Variants in MSN observed in about 807,000 individuals in gnomAD.
The protein encoded by MSN is epididymis luminal protein 70.
MSN carries 2 observed loss-of-function variants against 48.0 expected under a neutral mutation model. The observed-to-expected ratio is 0.04, with a 90% CI of 0.02 to 0.13. The LOEUF is 0.13. MSN is among the 10% of genes least tolerant of loss of function. MSN has a pLI of 1.00. For synonymous variants in MSN, 146 were observed against 166.9 expected, an observed-to-expected ratio of 0.87 and a Z score of 0.97; for missense variants, 267 against 470.1, an observed-to-expected ratio of 0.57 and a Z score of 3.99.
chrX:65,636,398 G>A (rs185303248), intron 1 of MSN, among the ~76,000 whole-genome samples: 3 of 110,995 alleles, frequency 2.7e-5, no homozygotes, highest in South Asian at 3.8e-4. Context: ...TCTTTGTCTC[G>A]TCCTCTCTCA....
chrX:65,692,258 G>A (rs1171825658), intron 1 of MSN, among the ~76,000 whole-genome samples: 1 of 112,482 alleles, frequency 8.9e-6, no homozygotes, highest in Non-Finnish European at 1.9e-5. Flanking sequence ...GTACTTTATG[G>A]CTCAGCCCCT....
chrX:65,615,779 C>T (rs889504967), intron 1 of MSN, among the ~76,000 whole-genome samples: 1 of 111,161 alleles, frequency 9.0e-6, no homozygotes, highest in African/African-American at 3.3e-5. Flanking sequence ...AAGTCCATGC[C>T]CATGCCTATG....
chrX:65,713,595 A>T (rs2071434352), intron 1 of MSN, among the ~76,000 whole-genome samples: 1 of 112,215 alleles, frequency 8.9e-6, no homozygotes, highest in South Asian at 3.7e-4. Context: ...GCTACATGCT[A>T]GGCTTGGAAT....
intron 1 of MSN, among the ~76,000 whole-genome samples, chrX:65,614,201 G>T (rs183553968): frequency 9.0e-6 from 1 of 111,266 alleles, no homozygotes; most frequent in Non-Finnish European, 1.9e-5. Context: ...TTTTATTTCT[G>T]AGACCTCTGT....
intron 1 of MSN, among the ~76,000 whole-genome samples, chrX:65,654,864 C>T (rs921451770): frequency 9.0e-6 from 1 of 111,210 alleles, no homozygotes; most frequent in African/African-American, 3.3e-5. Flanking sequence ...TTTTTCAGAG[C>T]GTTGTAGGTG....
intron 2 of MSN, among the ~76,000 whole-genome samples, chrX:65,718,380 C>T (rs1337182766): frequency 9.0e-6 from 1 of 110,712 alleles, no homozygotes; most frequent in Non-Finnish European, 1.9e-5. Flanking sequence ...TAAGGATGTC[C>T]AATCCAAAAA....
chrX:65,653,318 C>T (rs1245572998), intron 1 of MSN, among the ~76,000 whole-genome samples: 1 of 111,371 alleles, frequency 9.0e-6, no homozygotes, highest in African/African-American at 3.3e-5. Context: ...GACATAGCCA[C>T]ATATGGGCTC....
chrX:65,656,520 C>A (rs2070782396), intron 1 of MSN, among the ~76,000 whole-genome samples: 1 of 111,426 alleles, frequency 9.0e-6, no homozygotes, highest in South Asian at 3.7e-4. Flanking sequence ...GTCATGAGCT[C>A]CAAGGTTATG....
At chrX:65,708,859 T>C (rs1249985208) in intron 1 of MSN, among the ~76,000 whole-genome samples, 1 of 110,399 alleles carries the variant, frequency 9.1e-6, no homozygotes, top group Non-Finnish European at 1.9e-5. Flanking sequence ...ATTTTTGTAG[T>C]TTTAGTAGAG....
intron 1 of MSN, chrX:65,624,892 A>AG (rs2070491441): frequency 9.0e-6 from 1 of 111,667 alleles, no homozygotes; most frequent in African/African-American, 3.3e-5. Context: ...GAAGGAAGGA[A>AG]GAAAGGAAGG....
chrX:65,724,513 G>T (rs1161719453), intron 2 of MSN, among the ~76,000 whole-genome samples: 5 of 111,211 alleles, frequency 4.5e-5, no homozygotes, highest in Non-Finnish European at 9.4e-5. Context: ...GCAAAAAGAG[G>T]CTAACGGTCT....
chrX:65,668,362 A>G (rs1216709745), intron 1 of MSN, among the ~76,000 whole-genome samples: 1 of 111,850 alleles, frequency 8.9e-6, no homozygotes, highest in East Asian at 2.8e-4. Context: ...GGGTGGCTCC[A>G]GCTGTTTTCC....
intron 1 of MSN, among the ~76,000 whole-genome samples, chrX:65,661,883 C>T (rs1418048609): frequency 8.9e-6 from 1 of 112,255 alleles, no homozygotes. Flanking sequence ...GGCATGGTGG[C>T]GTATGCCTGT....
chrX:65,684,065 C>T (rs150727880), intron 1 of MSN, among the ~76,000 whole-genome samples: 1,705 of 108,316 alleles, frequency 0.016, 46 homozygotes, highest in African/African-American at 0.054. Context: ...CTCAGTCTCC[C>T]GAGTAGCTGG....
intron 3 of MSN, among the ~76,000 whole-genome samples, chrX:65,728,684 T>C (rs1400956258): frequency 1.8e-5 from 2 of 111,567 alleles, no homozygotes; most frequent in Non-Finnish European, 1.9e-5. Context: ...TCTCCAGCAG[T>C]CAACTAATGT....
In MSN at chrX:65,645,267, A is replaced by G. The variant is rs1253356153; in HGVS notation, c.-22+56655A>G. ...TGATAGCTGATAGCTGGCCTCTGAC[A>G]ATGCATCCCTCAAGGTCTCTGCTTT... On this transcript the variant is annotated intron_variant, in intron 1 of 3. Coordinates refer to the MSN transcript ENST00000609672. Among the ~76,000 whole-genome samples, 9 of 111,715 alleles carry G rather than the reference A, an allele frequency of 8.1e-5. No homozygotes were observed. In the Admixed American group the frequency reaches 8.6e-4, roughly 11 times the overall value.
At chrX:65,589,045 C>T in intron 1 of MSN, 1 of 135,863 alleles carries the variant, frequency 7.4e-6, no homozygotes, top group East Asian at 1.2e-4. Flanking sequence ...ATCTACTGAC[C>T]CCCAAGCCAG....
intron 1 of MSN, among the ~76,000 whole-genome samples, chrX:65,662,101 G>T (rs2070828195): frequency 8.9e-6 from 1 of 112,178 alleles, no homozygotes; most frequent in Non-Finnish European, 1.9e-5. Flanking sequence ...TCTCCAAGGA[G>T]AAGTACAAAA....
At chrX:65,595,213 A>C (rs2070177625) in intron 1 of MSN, among the ~76,000 whole-genome samples, 1 of 112,340 alleles carries the variant, frequency 8.9e-6, no homozygotes, top group African/African-American at 3.2e-5. Flanking sequence ...TAATTTGAGC[A>C]GTTCTTGCCA....
Sources: gnomAD v4.1 joint callset for allele counts (sites outside exome capture counted in the v4.1 genomes callset) on GRCh38, gnomAD v4.1.1 for gene constraint, MANE v1.5 for transcripts, NCBI Gene and HGNC (gene_info 2026-07-23, HGNC 2026-07-21) for gene names.